GFM1: variants seen among roughly 807,000 people sequenced by gnomAD.
The protein encoded by GFM1 is G elongation factor mitochondrial 1.
GFM1 carries 62 observed loss-of-function variants against 96.2 expected under a neutral mutation model. That is an observed-to-expected ratio of 0.64 (90% CI 0.53 to 0.80). The LOEUF is 0.80. Among genes scored for constraint, GFM1 ranks in the 30% least tolerant of loss-of-function variants. The pLI is 0.00. For synonymous variants in GFM1, 282 were observed against 312.9 expected, an observed-to-expected ratio of 0.90 and a Z score of 1.04; for missense variants, 852 against 916.6, an observed-to-expected ratio of 0.93 and a Z score of 0.91.
At chr3:158,653,645 C>T (rs1211250266) in intron 7 of GFM1, among the ~76,000 whole-genome samples, 178 bp downstream of exon 7, 1 of 151,370 alleles carries the variant, frequency 6.6e-6, no homozygotes, top group Non-Finnish European at 1.5e-5. Context: ...TATACTAGTT[C>T]CTATATCATA....
In GFM1 at chr3:158,654,584, A is replaced by G. The variant is rs1268213622; in HGVS notation, c.1036A>G (p.Ser346Gly). ...KEKTKILMNS[S>G]RDNSHPFVGL... Reference sequence around the variant, plus strand: ...GAAAACCAAAATCCTAATGAACTCCAGTAGAGACAATTCCCACCCATTTGT... The same window carrying G: ...GAAAACCAAAATCCTAATGAACTCCGGTAGAGACAATTCCCACCCATTTGT... Residue 346 changes from serine (S) to glycine (G), a missense_variant, in exon 8 of 18, where the codon AGT (serine) becomes GGT (glycine). Physicochemically the swap from Ser to Gly is moderately conservative, Grantham distance 56 (BLOSUM62 0). Coordinates refer to ENST00000486715, the MANE Select transcript of GFM1 (RefSeq NM_024996.7). 2 of 1,613,170 alleles carry G rather than the reference A, an allele frequency of 1.2e-6. No homozygotes were observed. Among genetic ancestry groups the G allele is most frequent in the African/African-American group, 1.3e-5 (1 of 75,034 alleles).
intron 9 of GFM1, among the ~76,000 whole-genome samples, chr3:158,659,386 C>G (rs1386639492): frequency 1.3e-5 from 2 of 152,104 alleles, no homozygotes; most frequent in African/African-American, 4.8e-5. Flanking sequence ...ATGTAATAGG[C>G]ATTTAAGACT....
At position 158,644,558 on chromosome 3, in the gene GFM1, T is replaced by C. The variant is rs1330077440; in HGVS notation, c.-77T>C. Reference sequence around the variant, plus strand: ...ACAACATTGGCTGCCGGCGTGACTTTGACCGCTTCCCGGTGCGTTACCGGC... The same window carrying C: ...ACAACATTGGCTGCCGGCGTGACTTCGACCGCTTCCCGGTGCGTTACCGGC... On this transcript the variant is annotated 5_prime_UTR_variant, in exon 1 of 18. Transcript: ENST00000486715. 5 of 1,243,714 alleles carry C rather than the reference T, an allele frequency of 4.0e-6. No homozygotes were observed. The highest frequency in any genetic ancestry group is 3.0e-5 in the African/African-American group (2 of 66,068). 77.0% of individuals were successfully genotyped at this position (1,243,714 alleles called of 1,614,324 possible). A position where few individuals can be genotyped will look rare whatever the true frequency, so the allele number is the denominator to read the frequency against.
intron 10 of GFM1, 92 bp downstream of exon 10, chr3:158,661,067 CA>C: frequency 9.8e-7 from 1 of 1,023,444 alleles, no homozygotes; most frequent in Non-Finnish European, 1.5e-6. Context: ...AAAACAACCA[CA>C]GAAGTTTTCG....
intron 9 of GFM1, 108 bp from the exon 10 acceptor site, chr3:158,660,766 G>C: frequency 1.1e-6 from 1 of 886,124 alleles, no homozygotes; most frequent in Non-Finnish European, 1.9e-6. Context: ...GAGAGATTCT[G>C]CCACGCTTTT....
intron 1 of GFM1, chr3:158,644,935 T>G: frequency 1.9e-6 from 1 of 522,272 alleles, no homozygotes; most frequent in South Asian, 2.7e-5. Flanking sequence ...CAACTAAAAG[T>G]GTCTGTCACT....
At chr3:158,663,225 G>T (rs1210303612) in intron 11 of GFM1, among the ~76,000 whole-genome samples, 1 of 152,016 alleles carries the variant, frequency 6.6e-6, no homozygotes, top group Non-Finnish European at 1.5e-5. Flanking sequence ...ATGTAATTTA[G>T]CTTTTAATAA....
In GFM1 at chr3:158,644,580, C is replaced by A; in HGVS notation, c.-55C>A. ...CTTTGACCGCTTCCCGGTGCGTTAC[C>A]GGCAGCTGAACCCACCCGGCGCCAC... On this transcript the variant is annotated 5_prime_UTR_variant, in exon 1 of 18. Transcript: ENST00000486715. 1 of 1,445,484 alleles carries A rather than the reference C, an allele frequency of 6.9e-7. No individual in the cohort carries two copies. Among genetic ancestry groups the A allele is most frequent in the Non-Finnish European group, 9.5e-7 (1 of 1,053,438 alleles). 89.5% of individuals were successfully genotyped at this position (1,445,484 alleles called of 1,614,324 possible).
In GFM1 at chr3:158,682,166, T is replaced by C. The variant is rs760685573; in HGVS notation, c.1764+9T>C. The stretch of plus-strand genomic sequence containing the variant: ...TGCCTGCTGTAGAAAAGGTAAATTT[T>C]TAAAAAAGTGTTTTTGCATTTTTAC... On this transcript the variant is annotated intron_variant, in intron 14 of 17. Coordinates refer to ENST00000486715, the MANE Select transcript of GFM1 (RefSeq NM_024996.7). 3 of 1,609,476 alleles carry C rather than the reference T, an allele frequency of 1.9e-6. No homozygotes were observed. The South Asian group carries it at 3.3e-5, about 18-fold the overall frequency.
chr3:158,659,444 T>A (rs1431747591), intron 9 of GFM1, among the ~76,000 whole-genome samples: 1 of 152,204 alleles, frequency 6.6e-6, no homozygotes, highest in Non-Finnish European at 1.5e-5. Flanking sequence ...TTTACACAGT[T>A]TTCCACATTG....
At chr3:158,650,073 G>T (rs765167132) in intron 5 of GFM1, 55 of 1,531,840 alleles carry the variant, frequency 3.6e-5, no homozygotes, top group South Asian at 4.8e-5. Flanking sequence ...TGGGCGAATG[G>T]CATTGTGATC....
rs538636140 is a variant in GFM1 at position 158,674,737 on chromosome 3, C to T, written c.1602-7258C>T. Among the ~76,000 whole-genome samples, 9 of 152,192 alleles carry T rather than the reference C, an allele frequency of 5.9e-5. No homozygotes were observed. The South Asian group carries it at 1.2e-3, about 21-fold the overall frequency. On this transcript the variant is annotated intron_variant, in intron 13 of 17. Transcript: ENST00000486715. The stretch of plus-strand genomic sequence containing the variant: ...CTCCTTGAAAAGAAAAGATAATTAG[C>T]GTTTTACAGTGATAATTTCATATTT...
chr3:158,647,164 T>G (rs2108004438), intron 4 of GFM1, among the ~76,000 whole-genome samples: 1 of 152,354 alleles, frequency 6.6e-6, no homozygotes, highest in Non-Finnish European at 1.5e-5. Flanking sequence ...ACAATATTAC[T>G]TAAATTCTAG....
intron 15 of GFM1, among the ~76,000 whole-genome samples, chr3:158,688,124 A>G (rs1183554016): frequency 6.6e-6 from 1 of 152,218 alleles, no homozygotes; most frequent in Non-Finnish European, 1.5e-5. Context: ...TCTTGATTTA[A>G]AAAATGAACA....
chr3:158,658,601 A>G (rs540459647), intron 8 of GFM1, among the ~76,000 whole-genome samples: 30 of 152,040 alleles, frequency 2.0e-4, no homozygotes, highest in Non-Finnish European at 3.5e-4. Context: ...ATCTTATTGT[A>G]TTAAACTTAT....
chr3:158,688,996 A>G (rs1576797540), intron 15 of GFM1, among the ~76,000 whole-genome samples: 1 of 152,154 alleles, frequency 6.6e-6, no homozygotes, highest in Non-Finnish European at 1.5e-5. Context: ...CTTCTGGAAA[A>G]CCTGTGATTA....
chr3:158,688,190 A>G (rs190189187), intron 15 of GFM1, among the ~76,000 whole-genome samples: 1 of 152,236 alleles, frequency 6.6e-6, no homozygotes, highest in East Asian at 1.9e-4. Flanking sequence ...TCAGTGAGGT[A>G]ACCTAAAACT....
intron 13 of GFM1, chr3:158,669,345 C>T (rs1316250845): frequency 2.2e-6 from 3 of 1,350,710 alleles, no homozygotes; most frequent in Non-Finnish European, 3.0e-6. Flanking sequence ...TTCTAACATA[C>T]TTAGCAACTA....
rs79772662 is a variant in GFM1 at position 158,652,983 on chromosome 3, C to T, written c.841-327C>T. On this transcript the variant is annotated intron_variant, in intron 6 of 17. Transcript: ENST00000486715. ...TTTCCTCTATTTTGTACAATTGTAG[C>T]GTACTGTTTGCAGTGTTCTATTAGT... Among the ~76,000 whole-genome samples, 1,159 of 152,086 alleles carry T rather than the reference C, an allele frequency of 7.6e-3. 23 individuals carry two copies. The highest frequency in any genetic ancestry group is 0.027 in the African/African-American group (1,122 of 41,492).
Sources: gnomAD v4.1 joint callset for allele counts (sites outside exome capture counted in the v4.1 genomes callset) on GRCh38, gnomAD v4.1.1 for gene constraint, MANE v1.5 for transcripts, NCBI Gene and HGNC (gene_info 2026-07-23, HGNC 2026-07-21) for gene names.